Variants in TMOD2 observed in about 807,000 individuals in gnomAD.
TMOD2 encodes tropomodulin-2.
A neutral mutation model predicts 39.9 loss-of-function variants in TMOD2; 22 were observed. The observed-to-expected ratio is 0.55, with a 90% CI of 0.39 to 0.79. TMOD2 has a LOEUF of 0.79. Among genes scored for constraint, TMOD2 ranks in the 30% least tolerant of loss-of-function variants. The pLI is 0.00. For missense variants in TMOD2, 386 were observed against 413.3 expected, an observed-to-expected ratio of 0.93 and a Z score of 0.57; for synonymous variants, 123 against 146.1, an observed-to-expected ratio of 0.84 and a Z score of 1.14.
chr15:51,795,401 G>A (rs2141636911), intron 7 of TMOD2, among the ~76,000 whole-genome samples: 1 of 151,050 alleles, frequency 6.6e-6, no homozygotes, highest in South Asian at 2.1e-4. Context: ...CTCCAGCCTG[G>A]GCAACATGTC....
At position 51,755,684 on chromosome 15, in the gene TMOD2, C is replaced by A. The variant is rs147772279; in HGVS notation, c.-70+3972C>A. ...AACTGTCCTCATTGTTGATAAACAA[C>A]CATTCTGACTGGGCAGTGTCCCTTC... On this transcript the variant is annotated intron_variant, in intron 1 of 9. Coordinates refer to ENST00000249700, the MANE Select transcript of TMOD2 (RefSeq NM_014548.4). Among the ~76,000 whole-genome samples the A allele has an allele frequency of 8.7e-4, 132 of 152,212 alleles. No homozygotes were observed. In the Middle Eastern group the frequency reaches 0.01, roughly 12 times the overall value.
intron 6 of TMOD2, 43 bp from the exon 7 acceptor site, chr15:51,782,678 C>A: frequency 6.8e-7 from 1 of 1,472,428 alleles, no homozygotes; most frequent in Non-Finnish European, 9.5e-7. Context: ...CAAGAGTGTG[C>A]CATACAATGG....
chr15:51,771,262 CAGA>C (rs2055851888), intron 3 of TMOD2, among the ~76,000 whole-genome samples: 1 of 152,202 alleles, frequency 6.6e-6, no homozygotes, highest in Admixed American at 6.5e-5. Context: ...GCAGGGGCCC[CAGA>C]AGGACCAGTG....
chr15:51,807,781 C>T (rs1174945625), intron 9 of TMOD2, among the ~76,000 whole-genome samples: 4 of 152,152 alleles, frequency 2.6e-5, no homozygotes, highest in Non-Finnish European at 5.9e-5. Context: ...TCAAATAGCC[C>T]TCTTCCCAGT....
Position 51,813,473 on chromosome 15 carries a change from C to T in TMOD2, c.*5019C>T, listed in dbSNP as rs1322123610. The T allele has an allele frequency of 6.6e-6, 1 of 152,194 alleles. No individual in the cohort carries two copies. 9.4% of individuals were successfully genotyped at this position (152,194 alleles called of 1,614,324 possible). A position where few individuals can be genotyped will look rare whatever the true frequency, so the allele number is the denominator to read the frequency against. On this transcript the variant is annotated 3_prime_UTR_variant, in exon 10 of 10. Transcript: ENST00000249700. ...TTCTTCTGATCTCTTCCATGGTAGA[C>T]ATTCTGAGCACATTGGCCCAGTTAG...
At chr15:51,783,046 AG>A (rs2055942409) in intron 7 of TMOD2, 3 of 529,864 alleles carry the variant, frequency 5.7e-6, no homozygotes, top group Admixed American at 3.4e-5. Context: ...CAGTTTTCAG[AG>A]AAAGAAACAA....
At chr15:51,777,358 G>A (rs1016352286) in intron 5 of TMOD2, among the ~76,000 whole-genome samples, 1 of 152,176 alleles carries the variant, frequency 6.6e-6, no homozygotes, top group African/African-American at 2.4e-5. Context: ...ACAAAATGCA[G>A]CGTTTCATGT....
At chr15:51,766,691 T>A in intron 2 of TMOD2, 124 bp downstream of exon 2, 1 of 1,047,430 alleles carries the variant, frequency 9.5e-7, no homozygotes, top group Non-Finnish European at 1.4e-6. Flanking sequence ...TTCCTCTGAT[T>A]GGTTCTGGGT....
intron 4 of TMOD2, among the ~76,000 whole-genome samples, chr15:51,774,770 G>T (rs1324977398): frequency 1.3e-5 from 2 of 152,148 alleles, no homozygotes; most frequent in African/African-American, 4.8e-5. Context: ...GCTGTGGAGG[G>T]ATCCTGTTAT....
At chr15:51,797,470 G>A (rs1369919742) in intron 7 of TMOD2, among the ~76,000 whole-genome samples, 3 of 152,208 alleles carry the variant, frequency 2.0e-5, no homozygotes, top group Admixed American at 6.5e-5. Context: ...TAATTTATCT[G>A]TGAATCTTTC....
intron 2 of TMOD2, among the ~76,000 whole-genome samples, chr15:51,767,815 A>G (rs1301647990): frequency 2.0e-5 from 3 of 152,232 alleles, no homozygotes; most frequent in Non-Finnish European, 2.9e-5. Flanking sequence ...TGAAAGCTTT[A>G]TCAAGCAGGC....
At chr15:51,772,742 G>A (rs1259859096) in intron 3 of TMOD2, among the ~76,000 whole-genome samples, 1 of 152,040 alleles carries the variant, frequency 6.6e-6, no homozygotes, top group East Asian at 1.9e-4. Flanking sequence ...ATGTCCCCAG[G>A]TCACTACACT....
At chr15:51,785,147 T>C (rs1448372164) in intron 7 of TMOD2, among the ~76,000 whole-genome samples, 1 of 151,300 alleles carries the variant, frequency 6.6e-6, no homozygotes, top group Non-Finnish European at 1.5e-5. Context: ...GCGCGGTGGC[T>C]CACGCCTGTA....
At chr15:51,792,713 A>G (rs2056020958) in intron 7 of TMOD2, among the ~76,000 whole-genome samples, 1 of 152,256 alleles carries the variant, frequency 6.6e-6, no homozygotes, top group African/African-American at 2.4e-5. Context: ...TATCCTTTGC[A>G]GGGACATGAA....
intron 1 of TMOD2, among the ~76,000 whole-genome samples, chr15:51,765,874 G>A (rs928988518): frequency 1.3e-5 from 2 of 152,164 alleles, no homozygotes; most frequent in African/African-American, 4.8e-5. Context: ...CCAAACTCTC[G>A]TTCCTGAATG....
intron 4 of TMOD2, 138 bp downstream of exon 4, chr15:51,773,972 T>C: frequency 1.0e-6 from 1 of 982,428 alleles, no homozygotes; most frequent in Non-Finnish European, 1.5e-6. Flanking sequence ...GAGCTGTAAG[T>C]CTTGATGCAG....
Position 51,808,546 on chromosome 15 carries a change from T to A in TMOD2, c.*92T>A. 1 of 1,023,798 alleles carries A rather than the reference T, an allele frequency of 9.8e-7. No homozygotes were observed. The allele number at this position is 1,023,798 out of a possible 1,614,324, so 63.4% of individuals were successfully genotyped here. On this transcript the variant is annotated 3_prime_UTR_variant, in exon 10 of 10. Coordinates refer to ENST00000249700, the MANE Select transcript of TMOD2 (RefSeq NM_014548.4). ...CCCCATCAGGACCATTTTATCAAAG[T>A]TCGTTCATTTCCGTTAACCACATAA...
chr15:51,772,824 C>T (rs768804201), intron 3 of TMOD2, among the ~76,000 whole-genome samples: 1 of 152,142 alleles, frequency 6.6e-6, no homozygotes, highest in Non-Finnish European at 1.5e-5. Flanking sequence ...TCCAGGGGAT[C>T]ACCAGTTTGT....
chr15:51,795,551 ACTT>A (rs1331570476), intron 7 of TMOD2, among the ~76,000 whole-genome samples: 1 of 149,848 alleles, frequency 6.7e-6, no homozygotes, highest in Non-Finnish European at 1.5e-5. Context: ...TTATTTGATA[ACTT>A]CTTCTCTTCT....
Sources: allele counts gnomAD v4.1 joint callset (sites outside exome capture counted in the v4.1 genomes callset), GRCh38; gene constraint gnomAD v4.1.1; transcripts MANE v1.5; gene names NCBI Gene and HGNC (gene_info 2026-07-23, HGNC 2026-07-21).